Variants in PGM5 observed in about 807,000 individuals in gnomAD.
PGM5 encodes phosphoglucomutase-like protein 5.
A neutral mutation model predicts 59.2 loss-of-function variants in PGM5; 23 were observed. That is an observed-to-expected ratio of 0.39 (90% CI 0.28 to 0.55). The LOEUF (loss-of-function observed/expected upper bound fraction) is 0.55. Ranked by LOEUF, PGM5 falls within the 20% of genes least tolerant of loss-of-function variation. The probability of loss-of-function intolerance (pLI) is 0.66; values close to 1 mark genes in which losing one functional copy is unlikely to be tolerated. For missense variants in PGM5, 574 were observed against 748.3 expected (o/e 0.77, Z 2.72); for synonymous variants, 214 against 286.0 (o/e 0.75, Z 2.54).
At chr9:68,381,002 A>G (rs1822058945) in intron 2 of PGM5, among the ~76,000 whole-genome samples, 1 of 151,940 alleles carries the variant, frequency 6.6e-6, no homozygotes, top group South Asian at 2.1e-4. Context: ...TTTATCAAAC[A>G]TTCAAAGAAT....
chr9:68,521,274 T>C (rs1465877189), intron 10 of PGM5, among the ~76,000 whole-genome samples: 1 of 152,240 alleles, frequency 6.6e-6, no homozygotes, highest in Non-Finnish European at 1.5e-5. Flanking sequence ...ACATTTTGGG[T>C]ACTCAGTGCC....
At chr9:68,523,055 T>C (rs979702374) in intron 10 of PGM5, among the ~76,000 whole-genome samples, 2 of 152,230 alleles carry the variant, frequency 1.3e-5, no homozygotes, top group African/African-American at 4.8e-5. Flanking sequence ...TTACTTACAG[T>C]TCAAATCCCC....
chr9:68,453,998 C>A (rs781898074), intron 6 of PGM5, among the ~76,000 whole-genome samples: 15 of 152,130 alleles, frequency 9.9e-5, no homozygotes, highest in Non-Finnish European at 2.1e-4. Flanking sequence ...TCCTTCAAGA[C>A]CTCCACTCCA....
intron 8 of PGM5, 104 bp from the exon 9 acceptor site, chr9:68,483,761 G>A (rs1824238810): frequency 2.0e-6 from 2 of 994,564 alleles, no homozygotes; most frequent in African/African-American, 3.2e-5. Context: ...GCATTTCTGT[G>A]CTGTCCTTCC....
intron 7 of PGM5, among the ~76,000 whole-genome samples, chr9:68,470,843 C>T (rs184207905): frequency 1.8e-4 from 27 of 152,328 alleles, no homozygotes; most frequent in African/African-American, 5.8e-4. Context: ...CTATTTGAAA[C>T]AGGCTGAGTG....
At chr9:68,415,984 T>C (rs1823023750) in intron 6 of PGM5, among the ~76,000 whole-genome samples, 2 of 151,972 alleles carry the variant, frequency 1.3e-5, no homozygotes, top group Admixed American at 6.6e-5. Context: ...TTAGTATTGT[T>C]GAAATTTAAA....
intron 10 of PGM5, among the ~76,000 whole-genome samples, chr9:68,504,308 G>C (rs1554688856): frequency 6.6e-6 from 1 of 152,114 alleles, no homozygotes; most frequent in African/African-American, 2.4e-5. Context: ...CTCCATCTCA[G>C]TAAATGGCAG....
intron 7 of PGM5, among the ~76,000 whole-genome samples, chr9:68,469,751 G>A (rs1823992431): frequency 6.6e-6 from 1 of 152,188 alleles, no homozygotes. Context: ...GTAAATGCTT[G>A]TAGGATGGGT....
At chr9:68,378,020 G>T (rs1821966708) in intron 1 of PGM5, among the ~76,000 whole-genome samples, 179 bp from the exon 2 acceptor site, 1 of 151,806 alleles carries the variant, frequency 6.6e-6, no homozygotes, top group Non-Finnish European at 1.5e-5. Flanking sequence ...TGGTCTTAGA[G>T]ACATTAGATA....
intron 1 of PGM5, among the ~76,000 whole-genome samples, chr9:68,360,098 G>A (rs1834549111): frequency 6.6e-6 from 1 of 151,916 alleles, no homozygotes; most frequent in African/African-American, 2.4e-5. Context: ...GCCTGCCTTG[G>A]CCTCCTAAAG....
At chr9:68,464,576 A>C (rs1295004042) in intron 6 of PGM5, 2 of 152,680 alleles carry the variant, frequency 1.3e-5, no homozygotes, top group African/African-American at 4.8e-5. Flanking sequence ...AGCTGTCAGC[A>C]ATCAGCCTTC....
At chr9:68,517,579 C>T (rs899966078) in intron 10 of PGM5, among the ~76,000 whole-genome samples, 13 of 152,170 alleles carry the variant, frequency 8.5e-5, no homozygotes, top group Non-Finnish European at 1.5e-4. Context: ...GGTGGGCACT[C>T]TGGTGATGCT....
chr9:68,403,536 T>C (rs1405045621), intron 6 of PGM5, among the ~76,000 whole-genome samples: 1 of 152,222 alleles, frequency 6.6e-6, no homozygotes, highest in Non-Finnish European at 1.5e-5. Context: ...GTATGTTGTT[T>C]GATTGTCATA....
intron 1 of PGM5, among the ~76,000 whole-genome samples, chr9:68,368,716 C>T (rs1400856850): frequency 3.3e-5 from 5 of 152,062 alleles, no homozygotes; most frequent in Admixed American, 6.5e-5. Flanking sequence ...TATCCAAGCT[C>T]ACCACAGCCT....
chr9:68,473,886 C>A (rs1012628679), intron 7 of PGM5, among the ~76,000 whole-genome samples: 1 of 151,938 alleles, frequency 6.6e-6, no homozygotes, highest in African/African-American at 2.4e-5. Context: ...CAGTGAGAAC[C>A]CCCCCATGTG....
At chr9:68,479,344 G>T in intron 7 of PGM5, 74 bp from the exon 8 acceptor site, 3 of 1,373,052 alleles carry the variant, frequency 2.2e-6, no homozygotes, top group Non-Finnish European at 3.0e-6. Context: ...TCACTAACTG[G>T]TCTTCTTAAT....
chr9:68,440,365 C>T (rs190251668), intron 6 of PGM5, among the ~76,000 whole-genome samples: 287 of 152,178 alleles, frequency 1.9e-3, no homozygotes, highest in African/African-American at 5.6e-3. Context: ...TGTAAAAGAA[C>T]GGAAACCATG....
intron 6 of PGM5, among the ~76,000 whole-genome samples, chr9:68,451,589 C>T (rs1268620506): frequency 6.6e-6 from 1 of 152,128 alleles, no homozygotes; most frequent in Admixed American, 6.5e-5. Context: ...TTACCACCAC[C>T]GAATGCTTTT....
intron 1 of PGM5, among the ~76,000 whole-genome samples, chr9:68,362,922 G>A (rs1379695827): frequency 1.5e-5 from 2 of 136,788 alleles, no homozygotes; most frequent in Non-Finnish European, 3.0e-5. Context: ...AGGCTAGAGT[G>A]CAGTGGCACA....
Sources: gnomAD v4.1 joint callset for allele counts (sites outside exome capture counted in the v4.1 genomes callset) on GRCh38, gnomAD v4.1.1 for gene constraint, MANE v1.5 for transcripts, NCBI Gene and HGNC (gene_info 2026-07-23, HGNC 2026-07-21) for gene names.